The following NTM variants were observed in gnomAD, a reference collection of about 807,000 sequenced individuals.
The protein encoded by NTM is neurotrimin.
NTM carries 13 observed loss-of-function variants against 42.1 expected under a neutral mutation model. The observed-to-expected ratio is 0.31, with a 90% CI of 0.20 to 0.49. NTM has a LOEUF of 0.49. Ranked by LOEUF, NTM falls within the 20% of genes least tolerant of loss-of-function variation. NTM has a pLI of 0.99. For synonymous variants in NTM, 187 were observed against 179.2 expected (o/e 1.04, Z -0.35); for missense variants, 373 against 452.8 (o/e 0.82, Z 1.60).
At chr11:131,682,293 G>T (rs891840785) in intron 1 of NTM, among the ~76,000 whole-genome samples, 20 of 152,204 alleles carry the variant, frequency 1.3e-4, no homozygotes, top group African/African-American at 4.6e-4. Flanking sequence ...GGCAATACCT[G>T]CCTGGAAGGC....
chr11:132,222,928 C>T (rs939746533), intron 4 of NTM, among the ~76,000 whole-genome samples: 21 of 152,142 alleles, frequency 1.4e-4, no homozygotes, highest in East Asian at 7.7e-4. Context: ...TTCATCACTG[C>T]CTTGCCCTTT....
chr11:131,823,518 TA>T (rs1346254314), intron 1 of NTM, among the ~76,000 whole-genome samples: 2 of 152,174 alleles, frequency 1.3e-5, no homozygotes, highest in African/African-American at 4.8e-5. Flanking sequence ...GCATTCTAAT[TA>T]ATAAGTTCTA....
chr11:131,460,019 A>C (rs1441020796), intron 1 of NTM, among the ~76,000 whole-genome samples: 1 of 152,202 alleles, frequency 6.6e-6, no homozygotes, highest in Non-Finnish European at 1.5e-5. Context: ...AATGCTTAGG[A>C]ATTTTAGTTG....
At chr11:132,124,838 T>A (rs4937672) in intron 2 of NTM, among the ~76,000 whole-genome samples, 88,276 of 151,946 alleles carry the variant, frequency 0.58, 25,905 homozygotes, top group African/African-American at 0.63. Flanking sequence ...AACAACAACA[T>A]AAAGAAAAAT....
At chr11:131,922,711 G>A (rs958834175) in intron 2 of NTM, among the ~76,000 whole-genome samples, 1 of 152,064 alleles carries the variant, frequency 6.6e-6, no homozygotes, top group Non-Finnish European at 1.5e-5. Context: ...TTCTACTCCT[G>A]TTCCCCTGGA....
At chr11:131,391,206 C>T (rs931356155) in intron 1 of NTM, among the ~76,000 whole-genome samples, 2 of 152,116 alleles carry the variant, frequency 1.3e-5, no homozygotes, top group African/African-American at 2.4e-5. Flanking sequence ...TTCAGAAAGG[C>T]CAACTTGCCC....
intron 1 of NTM, among the ~76,000 whole-genome samples, chr11:131,769,008 G>C (rs2085599093): frequency 6.6e-6 from 1 of 152,160 alleles, no homozygotes; most frequent in Admixed American, 6.5e-5. Context: ...CCTTAATAGG[G>C]GAGGTATAGG....
intron 1 of NTM, among the ~76,000 whole-genome samples, chr11:131,880,667 T>A (rs2049320870): frequency 6.6e-6 from 1 of 152,206 alleles, no homozygotes; most frequent in Admixed American, 6.5e-5. Context: ...CTGGTTGTTA[T>A]CTATATTCTT....
At chr11:132,130,900 G>A (rs181577865) in intron 2 of NTM, among the ~76,000 whole-genome samples, 9 of 152,316 alleles carry the variant, frequency 5.9e-5, no homozygotes, top group Admixed American at 2.6e-4. Flanking sequence ...CCAGGGTGAT[G>A]AAGTGACTTG....
At chr11:131,863,960 A>C (rs2136988837) in intron 1 of NTM, among the ~76,000 whole-genome samples, 1 of 152,340 alleles carries the variant, frequency 6.6e-6, no homozygotes, top group Non-Finnish European at 1.5e-5. Context: ...GCAGGCCCCA[A>C]AAGTGCACCT....
At chr11:132,006,556 C>T (rs1039874215) in intron 2 of NTM, among the ~76,000 whole-genome samples, 4 of 152,194 alleles carry the variant, frequency 2.6e-5, no homozygotes, top group Admixed American at 6.5e-5. Flanking sequence ...CACATAAAAC[C>T]TCATTCTCAG....
chr11:132,306,602 A>G (rs2095092757), intron 4 of NTM: 2 of 152,182 alleles, frequency 1.3e-5, no homozygotes, highest in Admixed American at 6.5e-5. Flanking sequence ...TTGTATGTAT[A>G]TTATGTTTGG....
At chr11:131,757,582 G>A (rs372895208) in intron 1 of NTM, among the ~76,000 whole-genome samples, 5 of 152,190 alleles carry the variant, frequency 3.3e-5, no homozygotes, top group African/African-American at 7.2e-5. Context: ...CAGGTGAGAC[G>A]GGGCTGAGTA....
intron 1 of NTM, among the ~76,000 whole-genome samples, chr11:131,485,522 T>C (rs1954084093): frequency 6.6e-6 from 1 of 152,186 alleles, no homozygotes; most frequent in African/African-American, 2.4e-5. Context: ...CCAGAGCCCC[T>C]GAAAAAGCTA....
intron 2 of NTM, among the ~76,000 whole-genome samples, chr11:131,957,498 G>C (rs1426299172): frequency 6.6e-6 from 1 of 152,100 alleles, no homozygotes; most frequent in Admixed American, 6.5e-5. Context: ...ATGTTCACTA[G>C]CGCTAAGATC....
chr11:132,112,050 C>A (rs775326112), intron 2 of NTM, among the ~76,000 whole-genome samples: 1 of 152,224 alleles, frequency 6.6e-6, no homozygotes, highest in Non-Finnish European at 1.5e-5. Flanking sequence ...CCCTCCCTCT[C>A]ATTTTTCCTT....
chr11:131,428,183 T>C (rs973348551), intron 1 of NTM, among the ~76,000 whole-genome samples: 1 of 152,196 alleles, frequency 6.6e-6, no homozygotes, highest in Admixed American at 6.5e-5. Context: ...GATGTTATTA[T>C]TGGGATCGAT....
chr11:131,382,657 C>A (rs1471701150), intron 1 of NTM, among the ~76,000 whole-genome samples: 1 of 152,160 alleles, frequency 6.6e-6, no homozygotes, highest in African/African-American at 2.4e-5. Flanking sequence ...AGATGACTAT[C>A]ATAGACCCTA....
intron 2 of NTM, among the ~76,000 whole-genome samples, chr11:132,113,474 G>A (rs572290149): frequency 6.6e-6 from 1 of 152,268 alleles, no homozygotes; most frequent in South Asian, 2.1e-4. Context: ...GTACCCTACT[G>A]ATCAAAACAA....
Sources: gnomAD v4.1 joint callset for allele counts (sites outside exome capture counted in the v4.1 genomes callset) on GRCh38, gnomAD v4.1.1 for gene constraint, MANE v1.5 for transcripts, NCBI Gene and HGNC (gene_info 2026-07-23, HGNC 2026-07-21) for gene names.